The following MLLT10 variants were observed in gnomAD, a reference collection of about 807,000 sequenced individuals.
The protein encoded by MLLT10 is MLLT10 histone lysine methyltransferase DOT1L cofactor.
A neutral mutation model predicts 129.1 loss-of-function variants in MLLT10; 30 were observed. That is an observed-to-expected ratio of 0.23 (90% CI 0.17 to 0.32). The LOEUF (loss-of-function observed/expected upper bound fraction) is 0.32. Among genes scored for constraint, MLLT10 ranks in the 10% least tolerant of loss-of-function variants. The probability of loss-of-function intolerance (pLI) is 1.00; values close to 1 mark genes in which losing one functional copy is unlikely to be tolerated. For synonymous variants in MLLT10, 490 were observed against 446.4 expected, an observed-to-expected ratio of 1.10 and a Z score of -1.23; for missense variants, 1,119 against 1,268.3, an observed-to-expected ratio of 0.88 and a Z score of 1.79.
chr10:21,692,205 G>C (rs2131439587), intron 13 of MLLT10, among the ~76,000 whole-genome samples: 1 of 151,674 alleles, frequency 6.6e-6, no homozygotes, highest in South Asian at 2.1e-4. Context: ...CTTAATAATA[G>C]AAGTGACTTC....
At chr10:21,695,755 G>C (rs1459637016) in intron 13 of MLLT10, among the ~76,000 whole-genome samples, 1 of 151,932 alleles carries the variant, frequency 6.6e-6, no homozygotes, top group African/African-American at 2.4e-5. Context: ...GTTTGTGTTT[G>C]CTTCACCACC....
At chr10:21,639,344 A>T (rs1368212817) in intron 8 of MLLT10, among the ~76,000 whole-genome samples, 1 of 152,086 alleles carries the variant, frequency 6.6e-6, no homozygotes, top group Non-Finnish European at 1.5e-5. Flanking sequence ...CACAGGACTG[A>T]GCCTCACTTT....
At chr10:21,681,419 C>T in intron 12 of MLLT10, 43 bp downstream of exon 12, 1 of 1,357,570 alleles carries the variant, frequency 7.4e-7, no homozygotes, top group Non-Finnish European at 1.0e-6. Flanking sequence ...CTTTTGTCTC[C>T]TCTAGTGCTC....
intron 5 of MLLT10, among the ~76,000 whole-genome samples, chr10:21,599,283 A>G (rs983358278): frequency 1.3e-5 from 2 of 152,128 alleles, no homozygotes; most frequent in African/African-American, 4.8e-5. Flanking sequence ...CAGAGGTTGC[A>G]GTGAGCCAAG....
intron 13 of MLLT10, among the ~76,000 whole-genome samples, chr10:21,701,392 G>A (rs2054896924): frequency 6.7e-6 from 1 of 148,344 alleles, no homozygotes; most frequent in Non-Finnish European, 1.5e-5. Context: ...CTAGTTCCTT[G>A]AGGTGCATCA....
At chr10:21,654,246 G>C (rs2049333647) in intron 9 of MLLT10, among the ~76,000 whole-genome samples, 1 of 152,108 alleles carries the variant, frequency 6.6e-6, no homozygotes. Flanking sequence ...AAGAGGAGCA[G>C]AAGAATAGGT....
At chr10:21,672,834 C>T (rs964457777) in intron 10 of MLLT10, among the ~76,000 whole-genome samples, 4 of 152,106 alleles carry the variant, frequency 2.6e-5, no homozygotes, top group African/African-American at 7.2e-5. Context: ...AAACTTAGAA[C>T]TCATAACCTA....
At chr10:21,618,695 G>A (rs2045509733) in intron 8 of MLLT10, among the ~76,000 whole-genome samples, 1 of 151,858 alleles carries the variant, frequency 6.6e-6, no homozygotes, top group South Asian at 2.1e-4. Flanking sequence ...GTGCAGTGGT[G>A]TGATCTCAGT....
chr10:21,702,938 A>T (rs1410304146), intron 13 of MLLT10, among the ~76,000 whole-genome samples: 4 of 152,112 alleles, frequency 2.6e-5, no homozygotes, highest in Non-Finnish European at 5.9e-5. Context: ...TATTATTGAT[A>T]TGTGAGGTTT....
intron 12 of MLLT10, 127 bp from the exon 13 acceptor site, chr10:21,682,098 G>C (rs1230668592): frequency 1.6e-6 from 1 of 630,424 alleles, no homozygotes; most frequent in Non-Finnish European, 2.5e-6. Flanking sequence ...CAGTTTTAAT[G>C]ATTCAAACAA....
chr10:21,617,029 G>T, intron 7 of MLLT10, 83 bp from the exon 8 acceptor site: 2 of 514,390 alleles, frequency 3.9e-6, no homozygotes, highest in Non-Finnish European at 6.1e-6. Context: ...CTTTATAGTT[G>T]AATTGGTTTA....
intron 8 of MLLT10, among the ~76,000 whole-genome samples, chr10:21,649,180 A>G (rs1015444257): frequency 2.0e-5 from 3 of 152,164 alleles, no homozygotes; most frequent in African/African-American, 4.8e-5. Flanking sequence ...GGCTCAAGCA[A>G]TCCTCCCGCC....
chr10:21,733,909 A>T lies in MLLT10; in HGVS notation c.2638A>T (p.Ser880Cys). Residue 880 changes from serine to cysteine, a missense_variant, in exon 20 of 23, where the codon AGT (serine) becomes TGT (cysteine). Ser to Cys is a moderately radical substitution (Grantham distance 112). This residue lies in a region of MLLT10 where 1,004 missense variants were observed against 1,008.7 expected (regional missense o/e 1.00). Transcript: ENST00000307729. ...TGGCGTGACAGTGGGGGCACTAGCT[A>T]GTGGAATGCAGCCTGTAACTTCCAC... ...VNGVTVGALA[S>C]GMQPVTSTIP... is the part of the protein sequence containing the mutation. 1.9e-6 allele frequency: 3 copies of T among 1,614,170 alleles called. No individual in the cohort carries two copies. Among genetic ancestry groups the T allele is most frequent in the Non-Finnish European group, 2.5e-6 (3 of 1,180,032 alleles).
intron 3 of MLLT10, among the ~76,000 whole-genome samples, chr10:21,585,588 G>T (rs1473432769): frequency 6.6e-6 from 1 of 152,194 alleles, no homozygotes; most frequent in Non-Finnish European, 1.5e-5. Flanking sequence ...CTTGACGGCA[G>T]TCGTCCTAGC....
At chr10:21,717,762 TCC>T (rs2131533286) in intron 14 of MLLT10, among the ~76,000 whole-genome samples, 1 of 140,436 alleles carries the variant, frequency 7.1e-6, no homozygotes, top group East Asian at 2.2e-4. Flanking sequence ...CTCCTCCTCC[TCC>T]TCCGCTGCTG....
At chr10:21,735,631 C>T (rs1303372603) in intron 21 of MLLT10, among the ~76,000 whole-genome samples, 3 of 152,142 alleles carry the variant, frequency 2.0e-5, no homozygotes, top group Admixed American at 6.5e-5. Context: ...AGGATGGCCC[C>T]GCCTCTGCAA....
chr10:21,540,741 A>G (rs1257227611), intron 3 of MLLT10, among the ~76,000 whole-genome samples: 2 of 152,172 alleles, frequency 1.3e-5, no homozygotes, highest in South Asian at 2.1e-4. Flanking sequence ...TGTTATAGCA[A>G]ATTCCTTTCC....
At chr10:21,710,830 T>C (rs1440777860) in intron 13 of MLLT10, among the ~76,000 whole-genome samples, 3 of 152,212 alleles carry the variant, frequency 2.0e-5, no homozygotes, top group Non-Finnish European at 2.9e-5. Flanking sequence ...ATGGGAGTAA[T>C]ATTTACCTCA....
At chr10:21,589,199 T>G (rs1232645148) in intron 4 of MLLT10, among the ~76,000 whole-genome samples, 2 of 152,164 alleles carry the variant, frequency 1.3e-5, no homozygotes, top group Admixed American at 1.3e-4. Context: ...TTTGTTTATA[T>G]TGTGCTTTAA....
Sources: gnomAD v4.1 joint callset for allele counts (sites outside exome capture counted in the v4.1 genomes callset) on GRCh38, gnomAD v4.1.1 for gene constraint, gnomAD v4.1.1 regional missense constraint, MANE v1.5 for transcripts, NCBI Gene and HGNC (gene_info 2026-07-23, HGNC 2026-07-21) for gene names.